EXT2: variants seen among roughly 807,000 people sequenced by gnomAD.
EXT2 encodes exostosin-2.
A neutral mutation model predicts 81.6 loss-of-function variants in EXT2; 53 were observed. That is an observed-to-expected ratio of 0.65 (90% CI 0.52 to 0.82). The LOEUF (loss-of-function observed/expected upper bound fraction) is 0.82. EXT2 is among the 40% of genes least tolerant of loss of function. The pLI is 0.00. For synonymous variants in EXT2, 320 were observed against 340.0 expected (o/e 0.94, Z 0.65); for missense variants, 774 against 910.2 (o/e 0.85, Z 1.93).
At chr11:44,148,750 A>G (rs1954754271) in intron 7 of EXT2, among the ~76,000 whole-genome samples, 1 of 152,214 alleles carries the variant, frequency 6.6e-6, no homozygotes, top group African/African-American at 2.4e-5. Flanking sequence ...GTTAACAGAC[A>G]CAAATCTCTG....
intron 1 of EXT2, among the ~76,000 whole-genome samples, chr11:44,099,246 C>T (rs566615596): frequency 3.3e-5 from 5 of 152,198 alleles, no homozygotes; most frequent in African/African-American, 4.8e-5. Flanking sequence ...ACTGCAGTGG[C>T]GCGATCTCGG....
chr11:44,240,126 T>C (rs1157883476), intron 13 of EXT2, among the ~76,000 whole-genome samples: 1 of 152,224 alleles, frequency 6.6e-6, no homozygotes, highest in African/African-American at 2.4e-5. Context: ...GATCCAAGGT[T>C]GGTTGAATCT....
At chr11:44,214,153 G>A (rs111916360) in intron 10 of EXT2, among the ~76,000 whole-genome samples, 33,544 of 151,442 alleles carry the variant, frequency 0.22, 4,073 homozygotes, top group Middle Eastern at 0.28. Context: ...TCTCTCTGTC[G>A]CCCAGGCTGT....
At chr11:44,214,577 C>T (rs1484454781) in intron 10 of EXT2, among the ~76,000 whole-genome samples, 1 of 152,078 alleles carries the variant, frequency 6.6e-6, no homozygotes, top group Non-Finnish European at 1.5e-5. Context: ...TTCATTTTAT[C>T]TAAATTACAA....
chr11:44,114,042 G>A, intron 3 of EXT2, 143 bp from the exon 4 acceptor site: 2 of 774,160 alleles, frequency 2.6e-6, no homozygotes, highest in South Asian at 1.4e-5. Context: ...GCGTGTATAA[G>A]GCATTGTCTT....
chr11:44,153,181 T>C (rs951780048), intron 7 of EXT2, among the ~76,000 whole-genome samples: 3 of 152,238 alleles, frequency 2.0e-5, no homozygotes, highest in African/African-American at 7.2e-5. Flanking sequence ...ATTTAAGTTA[T>C]TTGATATCTT....
At chr11:44,217,586 G>A (rs1259230262) in intron 10 of EXT2, among the ~76,000 whole-genome samples, 1 of 152,182 alleles carries the variant, frequency 6.6e-6, no homozygotes, top group Non-Finnish European at 1.5e-5. Context: ...ATCTGTTTAT[G>A]TATTTTACTA....
intron 6 of EXT2, among the ~76,000 whole-genome samples, chr11:44,127,460 C>G (rs1162249614): frequency 1.3e-5 from 2 of 152,168 alleles, no homozygotes; most frequent in Non-Finnish European, 2.9e-5. Flanking sequence ...GTGAATTGTG[C>G]ATACAAGGGA....
chr11:44,133,187 G>A (rs1590578464), intron 7 of EXT2, among the ~76,000 whole-genome samples: 1 of 152,094 alleles, frequency 6.6e-6, no homozygotes, highest in Non-Finnish European at 1.5e-5. Context: ...AGAGTTCTTT[G>A]GTTCTATAAC....
chr11:44,216,146 G>A (rs1299653219), intron 10 of EXT2, among the ~76,000 whole-genome samples: 1 of 152,138 alleles, frequency 6.6e-6, no homozygotes, highest in African/African-American at 2.4e-5. Context: ...AAAGTGCTGG[G>A]ATTACAGGCG....
intron 7 of EXT2, among the ~76,000 whole-genome samples, chr11:44,136,060 C>G (rs1954561403): frequency 6.6e-6 from 1 of 152,242 alleles, no homozygotes; most frequent in South Asian, 2.1e-4. Flanking sequence ...ATAAAGTTTT[C>G]TGTTTAAGAT....
intron 6 of EXT2, among the ~76,000 whole-genome samples, chr11:44,127,449 T>A (rs1409924925): frequency 6.6e-6 from 1 of 152,202 alleles, no homozygotes; most frequent in Non-Finnish European, 1.5e-5. Context: ...TGGACCCTAC[T>A]GTGAATTGTG....
At chr11:44,131,409 A>T (rs1429028485) in intron 7 of EXT2, among the ~76,000 whole-genome samples, 1 of 152,170 alleles carries the variant, frequency 6.6e-6, no homozygotes, top group Non-Finnish European at 1.5e-5. Context: ...CTTGGGTATC[A>T]GCTCTGTGGG....
At chr11:44,133,980 A>C in intron 7 of EXT2, among the ~76,000 whole-genome samples, 1 of 152,246 alleles carries the variant, frequency 6.6e-6, no homozygotes, top group East Asian at 1.9e-4. Flanking sequence ...CAAAAAGTTA[A>C]CTACAAGGCT....
chr11:44,198,258 A>G (rs764640731), intron 9 of EXT2: 1 of 566,502 alleles, frequency 1.8e-6, no homozygotes, highest in Non-Finnish European at 3.2e-6. Flanking sequence ...ATCAAAGGCT[A>G]TCAGCCTTAG....
At chr11:44,184,699 C>T (rs187963728) in intron 8 of EXT2, among the ~76,000 whole-genome samples, 1 of 152,026 alleles carries the variant, frequency 6.6e-6, no homozygotes, top group Non-Finnish European at 1.5e-5. Flanking sequence ...TGCAGTGAGC[C>T]GAGATGGTGC....
At chr11:44,162,575 C>CAAA (rs746211630) in intron 7 of EXT2, among the ~76,000 whole-genome samples, 5 of 45,850 alleles carry the variant, frequency 1.1e-4, no homozygotes, top group African/African-American at 2.4e-4. Flanking sequence ...GACTCCATCT[C>CAAA]AAAAAAAAAA....
intron 8 of EXT2, among the ~76,000 whole-genome samples, chr11:44,185,612 A>T (rs1470819366): frequency 6.6e-6 from 1 of 152,102 alleles, no homozygotes; most frequent in Admixed American, 6.5e-5. Context: ...TTAAGAAATC[A>T]CTTTATTGTG....
intron 4 of EXT2, chr11:44,116,383 T>G (rs1954220966): frequency 6.6e-6 from 1 of 152,262 alleles, no homozygotes; most frequent in Non-Finnish European, 1.5e-5. Flanking sequence ...TTTCATCATA[T>G]GAATATACCA....
Sources: gnomAD v4.1 joint callset for allele counts (sites outside exome capture counted in the v4.1 genomes callset) on GRCh38, gnomAD v4.1.1 for gene constraint, MANE v1.5 for transcripts, NCBI Gene and HGNC (gene_info 2026-07-23, HGNC 2026-07-21) for gene names.